Variants in ZNF595 observed in about 807,000 individuals in gnomAD.
ZNF595 encodes the protein zinc finger protein 595.
In ZNF595, 9 loss-of-function variants were observed where a neutral mutation model predicts 19.4. The observed-to-expected ratio is 0.46, with a 90% CI of 0.28 to 0.81. The LOEUF (loss-of-function observed/expected upper bound fraction) is 0.81, where lower values mean the gene tolerates loss of function less well. Ranked by LOEUF, ZNF595 falls within the 30% of genes least tolerant of loss-of-function variation. The pLI, the probability that ZNF595 is intolerant of heterozygous loss-of-function variation, is 0.11. For synonymous variants in ZNF595, 255 were observed against 255.9 expected (o/e 1.00, Z 0.03); for missense variants, 729 against 736.0 (o/e 0.99, Z 0.11).
chr4:69,880 C>G (rs1223820722), intron 3 of ZNF595, among the ~76,000 whole-genome samples: 2 of 152,146 alleles, frequency 1.3e-5, no homozygotes, highest in African/African-American at 4.8e-5. Context: ...CCAATGTTTT[C>G]TTGCAGTAGT....
chr4:79,471 TATTGAAA>T (rs1713812459), intron 3 of ZNF595, among the ~76,000 whole-genome samples: 1 of 152,208 alleles, frequency 6.6e-6, no homozygotes, highest in African/African-American at 2.4e-5. Flanking sequence ...TAGCACTATT[TATTGAAA>T]AGACTGTCTT....
chr4:85,822 T>C lies in ZNF595; in HGVS notation c.318T>C (p.Cys106=), dbSNP rs782769017. Residue 106 remains cysteine, a synonymous_variant, in exon 4 of 4, where the codon TGT becomes TGC. Coordinates refer to ENST00000610261, the MANE Select transcript of ZNF595 (RefSeq NM_182524.4). ...TTATACTGAAAAGATACGAGAAATG[T>C]GGACATGAGAATTTACAATTAAGAA... ...HKLILKRYEK[C]GHENLQLRKG... The C allele has an allele frequency of 3.1e-6, 5 of 1,613,992 alleles. No homozygotes were observed. In the South Asian group the frequency reaches 4.4e-5, roughly 14 times the overall value.
intron 3 of ZNF595, among the ~76,000 whole-genome samples, chr4:75,814 T>G (rs1426589552): frequency 2.2e-5 from 3 of 139,222 alleles, no homozygotes; most frequent in Admixed American, 7.1e-5. Context: ...TTTTTGGTTG[T>G]TTTTTTTTTT....
chr4:86,341 T>A lies in ZNF595; in HGVS notation c.837T>A (p.Thr279=), dbSNP rs201536891. The A allele has an allele frequency of 1.1e-4, 182 of 1,613,884 alleles. No homozygotes were observed. The highest frequency in any genetic ancestry group is 1.0e-4 in the Non-Finnish European group (121 of 1,179,984). Residue 279 remains threonine (T), a synonymous_variant, in exon 4 of 4, where the codon ACT becomes ACA. Transcript: ENST00000610261. ...TTLNEHKKIH[T]GEKPYKCKEC... ...TGAATGAACACAAGAAAATTCATAC[T>A]GGAGAGAAACCCTACAAATGTAAAG...
intron 3 of ZNF595, among the ~76,000 whole-genome samples, chr4:73,206 A>C (rs1242904948): frequency 6.6e-6 from 1 of 151,580 alleles, no homozygotes; most frequent in African/African-American, 2.4e-5. Flanking sequence ...AATGAGGCAG[A>C]AAAGGGCTAT....
In ZNF595 at chr4:86,457, G is replaced by A. The variant is rs899915790; in HGVS notation, c.953G>A (p.Gly318Asp). The A allele has an allele frequency of 6.2e-7, 1 of 1,614,010 alleles. No homozygotes were observed. The highest frequency in any genetic ancestry group is 8.5e-7 in the Non-Finnish European group (1 of 1,179,964). The change falls in exon 4 of 4, where the codon GGC (glycine) becomes GAC (aspartate). Residue 318 changes from glycine to aspartate, a missense_variant. Gly to Asp is a moderately conservative substitution (Grantham distance 94). Coordinates refer to ENST00000610261, the MANE Select transcript of ZNF595 (RefSeq NM_182524.4). ...AAACCCTACAAATGTAAAGAATGTG[G>A]CAAAGCCTTTAGACAGTCCAGGAGC... ...GEKPYKCKEC[G>D]KAFRQSRSLN...
At chr4:74,065 T>G (rs1297960211) in intron 3 of ZNF595, among the ~76,000 whole-genome samples, 1 of 152,142 alleles carries the variant, frequency 6.6e-6, no homozygotes, top group African/African-American at 2.4e-5. Flanking sequence ...CCTAATACTT[T>G]GGGAGGCCAC....
chr4:85,633 TACTA>T, intron 3 of ZNF595, 94 bp from the exon 4 acceptor site: 1 of 1,348,540 alleles, frequency 7.4e-7, no homozygotes, highest in Non-Finnish European at 1.0e-6. Flanking sequence ...TATGCTATCT[TACTA>T]ATGCAGTTTG....
intron 3 of ZNF595, among the ~76,000 whole-genome samples, chr4:71,488 C>T (rs1713430102): frequency 6.6e-6 from 1 of 152,088 alleles, no homozygotes; most frequent in South Asian, 2.1e-4. Context: ...CATCCTCATA[C>T]ATCCTATTGT....
chr4:84,352 A>G (rs1714046670), intron 3 of ZNF595, among the ~76,000 whole-genome samples: 1 of 152,180 alleles, frequency 6.6e-6, no homozygotes, highest in Non-Finnish European at 1.5e-5. Flanking sequence ...TATTATTTTC[A>G]GTGGAAGATA....
chr4:71,106 T>G (rs782780377), intron 3 of ZNF595, among the ~76,000 whole-genome samples: 2 of 152,230 alleles, frequency 1.3e-5, no homozygotes, highest in Non-Finnish European at 2.9e-5. Flanking sequence ...AATTTGTGGC[T>G]ATTGTAAATG....
chr4:76,534 G>A (rs1713666729), intron 3 of ZNF595, among the ~76,000 whole-genome samples: 1 of 151,916 alleles, frequency 6.6e-6, no homozygotes, highest in African/African-American at 2.4e-5. Flanking sequence ...TTTTTTTCCA[G>A]TAAGATTTAT....
intron 3 of ZNF595, among the ~76,000 whole-genome samples, chr4:75,209 A>G (rs13114862): frequency 0.098 from 14,879 of 152,256 alleles, 791 homozygotes; most frequent in South Asian, 0.17. Context: ...AACATTTTGT[A>G]AATGCTTTAT....
At chr4:72,105 T>A (rs1247266895) in intron 3 of ZNF595, among the ~76,000 whole-genome samples, 1 of 152,238 alleles carries the variant, frequency 6.6e-6, no homozygotes, top group Non-Finnish European at 1.5e-5. Context: ...TTGAAAAGAT[T>A]GTTTACTTAT....
intron 3 of ZNF595, among the ~76,000 whole-genome samples, chr4:76,038 A>G (rs1459771959): frequency 6.6e-6 from 1 of 151,968 alleles, no homozygotes; most frequent in African/African-American, 2.4e-5. Context: ...TTACAAGTAC[A>G]TGCCACCATG....
rs17857097 is a variant in ZNF595, at chr4:87,388, T to G, written c.1884T>G (p.Ala628=). The stretch of plus-strand genomic sequence containing the variant: ...ACAAATGTGAAGAATGTGGCAAAGC[T>G]TTTAATCGGCCCTCAACCCTTACTG... ...KSYKCEECGK[A]FNRPSTLTVH... is the part of the protein sequence containing the mutation. The change falls in exon 4 of 4, where the codon GCT becomes GCG. Residue 628 remains alanine (A), a synonymous_variant. Transcript: ENST00000610261. 6.2e-7 allele frequency: 1 copy of G among 1,612,982 alleles called. No individual in the cohort carries two copies. Among genetic ancestry groups the G allele is most frequent in the Non-Finnish European group, 8.5e-7 (1 of 1,179,456 alleles).
intron 3 of ZNF595, among the ~76,000 whole-genome samples, chr4:81,060 C>T (rs895035951): frequency 1.3e-5 from 2 of 152,108 alleles, no homozygotes; most frequent in Non-Finnish European, 2.9e-5. Flanking sequence ...TCAACTCCCA[C>T]TTATGAATGA....
intron 3 of ZNF595, among the ~76,000 whole-genome samples, chr4:85,282 A>G (rs374617054): frequency 2.0e-4 from 31 of 152,308 alleles, no homozygotes; most frequent in African/African-American, 6.5e-4. Flanking sequence ...AAAGTATAGC[A>G]CCGTTTCTCT....
intron 3 of ZNF595, among the ~76,000 whole-genome samples, chr4:78,077 C>T (rs1436466436): frequency 6.6e-6 from 1 of 152,188 alleles, no homozygotes; most frequent in African/African-American, 2.4e-5. Flanking sequence ...GGCGCGATCT[C>T]GGCTCACTGT....
Sources: gnomAD v4.1 joint callset for allele counts (sites outside exome capture counted in the v4.1 genomes callset) on GRCh38, gnomAD v4.1.1 for gene constraint, MANE v1.5 for transcripts, NCBI Gene and HGNC (gene_info 2026-07-23, HGNC 2026-07-21) for gene names.